Variants in VCL observed in about 807,000 individuals in gnomAD.
VCL encodes epididymis luminal protein 114.
In VCL, 47 loss-of-function variants were observed where a neutral mutation model predicts 125.7. That is an observed-to-expected ratio of 0.37 (90% CI 0.30 to 0.48). The LOEUF (loss-of-function observed/expected upper bound fraction) is 0.48. VCL is among the 20% of genes least tolerant of loss of function. The pLI is 0.99. For missense variants in VCL, 1,069 were observed against 1,455.5 expected (o/e 0.73, Z 4.32); for synonymous variants, 458 against 514.6 (o/e 0.89, Z 1.49).
chr10:74,087,221 A>G (rs1426366579), intron 8 of VCL, among the ~76,000 whole-genome samples: 3 of 151,836 alleles, frequency 2.0e-5, no homozygotes, highest in Non-Finnish European at 2.9e-5. Context: ...GAAAAAGTGT[A>G]TATATACCTT....
intron 13 of VCL, among the ~76,000 whole-genome samples, chr10:74,100,629 C>T (rs1840036678): frequency 6.6e-6 from 1 of 152,136 alleles, no homozygotes; most frequent in Admixed American, 6.5e-5. Context: ...TTAGTCTTCA[C>T]ATTCAGCAAA....
intron 1 of VCL, among the ~76,000 whole-genome samples, chr10:74,001,249 T>C (rs1840218657): frequency 6.6e-6 from 1 of 152,220 alleles, no homozygotes; most frequent in Non-Finnish European, 1.5e-5. Flanking sequence ...CTGTGACCGT[T>C]AAATATGTGG....
chr10:74,081,790 ATCT>A (rs1564525853), intron 6 of VCL, among the ~76,000 whole-genome samples: 2 of 152,232 alleles, frequency 1.3e-5, no homozygotes, highest in Non-Finnish European at 2.9e-5. Context: ...TCTATCCTGC[ATCT>A]TCTTCCAGGT....
chr10:74,002,484 C>T (rs1016630727), intron 1 of VCL, among the ~76,000 whole-genome samples: 5 of 152,072 alleles, frequency 3.3e-5, no homozygotes, highest in African/African-American at 1.2e-4. Flanking sequence ...CAGAGGAAGA[C>T]GAGATTACTT....
At chr10:74,098,885 C>T (rs1272018825) in intron 13 of VCL, among the ~76,000 whole-genome samples, 1 of 152,174 alleles carries the variant, frequency 6.6e-6, no homozygotes, top group Non-Finnish European at 1.5e-5. Context: ...CTACAGTCTT[C>T]CTAGTTACCT....
At chr10:74,022,320 T>A (rs1259291784) in intron 1 of VCL, among the ~76,000 whole-genome samples, 2 of 151,896 alleles carry the variant, frequency 1.3e-5, no homozygotes, top group African/African-American at 2.4e-5. Flanking sequence ...CTGAGGTGGG[T>A]GGATCACCTG....
At chr10:74,058,362 C>G (rs147881108) in intron 2 of VCL, among the ~76,000 whole-genome samples, 2 of 152,090 alleles carry the variant, frequency 1.3e-5, no homozygotes, top group Non-Finnish European at 2.9e-5. Context: ...ATACAGGGAT[C>G]GTGGTATGTA....
chr10:74,086,461 A>T (rs185193919), intron 8 of VCL, among the ~76,000 whole-genome samples: 59 of 152,376 alleles, frequency 3.9e-4, no homozygotes, highest in African/African-American at 1.4e-3. Context: ...GAGCATGGTA[A>T]GAACTTTGCA....
intron 1 of VCL, among the ~76,000 whole-genome samples, chr10:74,012,588 G>A (rs1355453627): frequency 6.6e-6 from 1 of 152,180 alleles, no homozygotes; most frequent in South Asian, 2.1e-4. Context: ...GATGTGAAGT[G>A]GTAGGGACGT....
At chr10:74,053,012 T>C (rs1335798769) in intron 2 of VCL, among the ~76,000 whole-genome samples, 2 of 151,368 alleles carry the variant, frequency 1.3e-5, no homozygotes, top group Admixed American at 1.3e-4. Context: ...TTTTGCATTT[T>C]TGCTCATGAG....
rs80033462 is a variant in VCL at position 74,065,933 on chromosome 10, G to A, written c.240-4737G>A. On this transcript the variant is annotated intron_variant, in intron 2 of 21. Transcript: ENST00000211998. ...TCTAAACTCTGTTCATGTGTACCAG[G>A]AGCCAGAATAAAAATTTTCACAGCA... Among the ~76,000 whole-genome samples the A allele has an allele frequency of 8.3e-3, 1,257 of 151,392 alleles. 8 individuals carry two copies. Among genetic ancestry groups the A allele is most frequent in the Non-Finnish European group, 0.012 (828 of 67,882 alleles).
Position 74,101,542 on chromosome 10 carries a change from G to GTTTTT in VCL, c.2022+465_2022+469dup, listed in dbSNP as rs964739371. 3.2e-3 allele frequency among the ~76,000 whole-genome samples: 279 copies of GTTTTT among 88,126 alleles called. 6 individuals are homozygous for GTTTTT. The highest frequency in any genetic ancestry group is 5.7e-3 in the African/African-American group (119 of 21,010). The allele number at this position is 88,126 out of a possible 152,430, so 57.8% of individuals were successfully genotyped here. On this transcript the variant is annotated intron_variant, in intron 14 of 21. Transcript: ENST00000211998. ...TTTTTTTTACAAGGACTATTTATTA[G>GTTTTT]TTTTTTTTTTTTTTTTTTTTTTTTG...
chr10:74,087,502 A>G (rs1591699931), intron 8 of VCL, among the ~76,000 whole-genome samples: 1 of 139,290 alleles, frequency 7.2e-6, no homozygotes, highest in African/African-American at 2.7e-5. Flanking sequence ...GCCTGCCACC[A>G]CGCCTGGCTA....
intron 8 of VCL, among the ~76,000 whole-genome samples, chr10:74,086,320 G>A (rs180748888): frequency 3.3e-5 from 5 of 152,200 alleles, no homozygotes; most frequent in African/African-American, 1.2e-4. Context: ...TGGATTCCCT[G>A]CAGCCCTGGA....
At chr10:74,057,844 G>C (rs1376457213) in intron 2 of VCL, among the ~76,000 whole-genome samples, 1 of 152,152 alleles carries the variant, frequency 6.6e-6, no homozygotes, top group Non-Finnish European at 1.5e-5. Context: ...AAGGTAGGAG[G>C]ATCACTTGAG....
intron 1 of VCL, among the ~76,000 whole-genome samples, chr10:74,038,424 A>G (rs577780658): frequency 6.6e-6 from 1 of 152,290 alleles, no homozygotes; most frequent in South Asian, 2.1e-4. Flanking sequence ...CCAAAAATCA[A>G]TTCCCCAAGA....
chr10:73,998,187 G>T lies in VCL; in HGVS notation c.-21G>T. 6.2e-7 allele frequency: 1 copy of T among 1,609,360 alleles called. No individual in the cohort carries two copies. Among genetic ancestry groups the T allele is most frequent in the Non-Finnish European group, 8.5e-7 (1 of 1,177,982 alleles). ...CCTACTTCTCTGTCGCCCGCGGTTC[G>T]CCGCCCCGCTCGCCGCCGCGATGCC... On this transcript the variant is annotated 5_prime_UTR_variant, in exon 1 of 22. Coordinates refer to ENST00000211998, the MANE Select transcript of VCL (RefSeq NM_014000.3).
At chr10:74,037,479 T>C (rs566170839) in intron 1 of VCL, among the ~76,000 whole-genome samples, 2 of 152,346 alleles carry the variant, frequency 1.3e-5, no homozygotes, top group African/African-American at 4.8e-5. Flanking sequence ...GAACACTAAA[T>C]TGTAAAGATC....
intron 2 of VCL, among the ~76,000 whole-genome samples, chr10:74,065,667 G>C (rs1318051894): frequency 6.7e-6 from 1 of 148,806 alleles, no homozygotes; most frequent in East Asian, 2.0e-4. Context: ...CTGGGCAACA[G>C]ACCGAGACCC....
Sources: gnomAD v4.1 joint callset for allele counts (sites outside exome capture counted in the v4.1 genomes callset) on GRCh38, gnomAD v4.1.1 for gene constraint, MANE v1.5 for transcripts, NCBI Gene and HGNC (gene_info 2026-07-23, HGNC 2026-07-21) for gene names.